Variants in ENTREP2 observed in about 807,000 individuals in gnomAD.
ENTREP2 encodes endosomal transmembrane epsin interactor 2.
the ENTREP2 span, among the ~76,000 whole-genome samples, chr15:29,498,562 C>T: frequency 6.6e-6 from 1 of 152,146 alleles, no homozygotes; most frequent in Non-Finnish European, 1.5e-5. Flanking sequence ...TGTTTTGTGG[C>T]CCAACGTATA....
the ENTREP2 span, among the ~76,000 whole-genome samples, chr15:29,626,834 C>G: frequency 1.3e-5 from 2 of 151,992 alleles, no homozygotes; most frequent in Non-Finnish European, 2.9e-5. Flanking sequence ...CCCTTCATAC[C>G]TAGTTTGCTG....
the ENTREP2 span, chr15:29,234,481 A>G: frequency 6.8e-7 from 1 of 1,460,790 alleles, no homozygotes; most frequent in Non-Finnish European, 9.6e-7. Context: ...TTCGCCTATC[A>G]TATATTTGTA....
the ENTREP2 span, among the ~76,000 whole-genome samples, chr15:29,216,857 A>AAAAAG: frequency 7.9e-5 from 12 of 152,322 alleles, no homozygotes; most frequent in East Asian, 1.9e-4. Flanking sequence ...ATTGTTTAAA[A>AAAAAG]AAAAGAAAAG....
the ENTREP2 span, among the ~76,000 whole-genome samples, chr15:29,619,096 C>T: frequency 6.6e-6 from 1 of 152,144 alleles, no homozygotes; most frequent in East Asian, 1.9e-4. Context: ...CATGTGCTAG[C>T]TGTTTTGCAT....
chr15:29,136,092 C>T, the ENTREP2 span, among the ~76,000 whole-genome samples: 1 of 152,368 alleles, frequency 6.6e-6, no homozygotes, highest in South Asian at 2.1e-4. Context: ...CACTGGGTTC[C>T]CCAGGCCCGG....
the ENTREP2 span, among the ~76,000 whole-genome samples, chr15:29,164,632 A>C: frequency 6.6e-6 from 1 of 152,206 alleles, no homozygotes; most frequent in Admixed American, 6.5e-5. Flanking sequence ...AAATATCATA[A>C]TCCTAAAAAT....
chr15:29,652,908 T>C, the ENTREP2 span, among the ~76,000 whole-genome samples: 22 of 152,272 alleles, frequency 1.4e-4, no homozygotes, highest in Non-Finnish European at 2.8e-4. Flanking sequence ...ATAAGCTGAA[T>C]AGACTGGATC....
chr15:29,342,973 A>G, the ENTREP2 span, among the ~76,000 whole-genome samples: 2 of 149,066 alleles, frequency 1.3e-5, no homozygotes, highest in African/African-American at 2.4e-5. Context: ...ATATGGTCAC[A>G]TTTATCAAAA....
At chr15:29,158,829 T>C in the ENTREP2 span, among the ~76,000 whole-genome samples, 1 of 152,170 alleles carries the variant, frequency 6.6e-6, no homozygotes, top group Non-Finnish European at 1.5e-5. Context: ...GGAAGTTATG[T>C]ATCTAATAAA....
At chr15:29,526,669 G>T in the ENTREP2 span, among the ~76,000 whole-genome samples, 1 of 150,968 alleles carries the variant, frequency 6.6e-6, no homozygotes, top group African/African-American at 2.4e-5. Context: ...GTGTCTTAAC[G>T]ATATTGCCCA....
At chr15:29,136,161 T>C in the ENTREP2 span, among the ~76,000 whole-genome samples, 7 of 152,204 alleles carry the variant, frequency 4.6e-5, no homozygotes, top group Non-Finnish European at 1.0e-4. Context: ...AGCACAGGGC[T>C]GATAAGACCA....
At chr15:29,319,023 C>T in the ENTREP2 span, among the ~76,000 whole-genome samples, 18 of 152,296 alleles carry the variant, frequency 1.2e-4, no homozygotes, top group Non-Finnish European at 2.4e-4. Flanking sequence ...ACCTAAAGTA[C>T]CTACTCTATT....
At chr15:29,287,202 A>G in the ENTREP2 span, among the ~76,000 whole-genome samples, 2 of 152,276 alleles carry the variant, frequency 1.3e-5, no homozygotes, top group African/African-American at 4.8e-5. Flanking sequence ...TTCAGGCACT[A>G]TCCGCGGCCA....
At chr15:29,141,414 T>A in the ENTREP2 span, among the ~76,000 whole-genome samples, 1 of 152,204 alleles carries the variant, frequency 6.6e-6, no homozygotes, top group Non-Finnish European at 1.5e-5. Context: ...ATCATTAGTA[T>A]GAGCTCATCC....
the ENTREP2 span, among the ~76,000 whole-genome samples, chr15:29,444,475 C>CTTTTTTTCTTTT: frequency 7.1e-6 from 1 of 140,168 alleles, no homozygotes; most frequent in Non-Finnish European, 1.5e-5. Flanking sequence ...TTCTTTTTTT[C>CTTTTTTTCTTTT]TTTTTTTTCT....
chr15:29,238,461 T>A, the ENTREP2 span, among the ~76,000 whole-genome samples: 1 of 151,576 alleles, frequency 6.6e-6, no homozygotes, highest in Non-Finnish European at 1.5e-5. Context: ...TGAAATCCCA[T>A]CTCTACTAAA....
chr15:29,233,841 A>T, the ENTREP2 span: 1 of 1,582,616 alleles, frequency 6.3e-7, no homozygotes, highest in Non-Finnish European at 8.7e-7. Flanking sequence ...AAAGGAGTAG[A>T]ATGAGGGCTT....
At chr15:29,211,287 G>A in the ENTREP2 span, among the ~76,000 whole-genome samples, 3 of 152,134 alleles carry the variant, frequency 2.0e-5, no homozygotes, top group Non-Finnish European at 2.9e-5. Flanking sequence ...CTGTGACCGT[G>A]GTGCTGTGTG....
At chr15:29,411,013 T>C in the ENTREP2 span, among the ~76,000 whole-genome samples, 1 of 152,186 alleles carries the variant, frequency 6.6e-6, no homozygotes, top group Non-Finnish European at 1.5e-5. Context: ...CTCGAATTCC[T>C]GACCTGGTGA....
Sources: gnomAD v4.1 joint callset for allele counts (sites outside exome capture counted in the v4.1 genomes callset) on GRCh38, gnomAD v4.1.1 for gene constraint, MANE v1.5 for transcripts, NCBI Gene and HGNC (gene_info 2026-07-23, HGNC 2026-07-21) for gene names.